DEDD2: variants seen among roughly 807,000 people sequenced by gnomAD.
The protein encoded by DEDD2 is death effector domain containing 2.
Under a neutral mutation model 28.9 loss-of-function variants are expected in DEDD2, and 18 were observed. The observed-to-expected ratio is 0.62, with a 90% CI of 0.43 to 0.92. The LOEUF (loss-of-function observed/expected upper bound fraction) is 0.92, where lower values mean the gene tolerates loss of function less well. Among genes scored for constraint, DEDD2 ranks in the 40% least tolerant of loss-of-function variants. DEDD2 has a pLI of 0.00. For missense variants in DEDD2, 411 were observed against 463.3 expected (o/e 0.89, Z 1.04); for synonymous variants, 211 against 206.1 (o/e 1.02, Z -0.20).
intron 4 of DEDD2, among the ~76,000 whole-genome samples, chr19:42,208,813 A>C (rs969441951): frequency 9.9e-5 from 15 of 152,274 alleles, no homozygotes; most frequent in African/African-American, 3.6e-4. Context: ...CTGCACAGCA[A>C]CAGTGAGAAC....
rs141521340 is a variant in DEDD2 at position 42,216,589 on chromosome 19, T to C, written c.328+91A>G. The C allele has an allele frequency of 4.3e-4, 548 of 1,280,580 alleles. 5 individuals are homozygous for C. In the African/African-American group the frequency reaches 7.3e-3, roughly 17 times the overall value. 79.3% of individuals were successfully genotyped at this position (1,280,580 alleles called of 1,614,324 possible). Reference sequence around the variant, plus strand: ...AGAATGGGACATAAGCTGCCTGATATGGCACTGTCCGTATCAGGGCACCAG... The same window carrying C: ...AGAATGGGACATAAGCTGCCTGATACGGCACTGTCCGTATCAGGGCACCAG... On this transcript the variant is annotated intron_variant, in intron 2 of 4. Coordinates refer to ENST00000596251, the MANE Select transcript of DEDD2 (RefSeq NM_133328.4).
chr19:42,199,890 C>T lies in DEDD2; in HGVS notation c.590-61G>A, dbSNP rs372876747. Reference sequence around the variant, plus strand: ...CAACACTAGACACACTTATGGGGAACGCCACCCTTCCTCCCTCCAGCCTTC... The same window carrying T: ...CAACACTAGACACACTTATGGGGAATGCCACCCTTCCTCCCTCCAGCCTTC... On this transcript the variant is annotated intron_variant, in intron 4 of 4. Transcript: ENST00000596251. This position sits in a 1 kb window ranked among gnomAD's most constrained non-coding sequence, Gnocchi z 7.4. The T allele has an allele frequency of 1.2e-4, 184 of 1,497,890 alleles. No individual in the cohort carries two copies. The highest frequency in any genetic ancestry group is 1.5e-4 in the Non-Finnish European group (165 of 1,118,232). The allele number at this position is 1,497,890 out of a possible 1,614,324, so 92.8% of individuals were successfully genotyped here.
intron 1 of DEDD2, 159 bp downstream of exon 1, chr19:42,217,473 A>C: frequency 5.0e-6 from 1 of 198,992 alleles, no homozygotes. Context: ...TCTGCCCCCT[A>C]CACAGAGGAG....
At chr19:42,209,991 G>T in intron 3 of DEDD2, 151 bp from the exon 4 acceptor site, 1 of 1,123,940 alleles carries the variant, frequency 8.9e-7, no homozygotes. Flanking sequence ...TCTAAAAGAT[G>T]AAGAGTACCA....
At chr19:42,207,899 T>C (rs1030161188) in intron 4 of DEDD2, among the ~76,000 whole-genome samples, 10 of 151,802 alleles carry the variant, frequency 6.6e-5, no homozygotes, top group African/African-American at 2.2e-4. Context: ...GGGGACGTTG[T>C]ACGCATGAGT....
intron 3 of DEDD2, 38 bp from the exon 4 acceptor site, chr19:42,209,878 T>A (rs2146884646): frequency 2.7e-6 from 4 of 1,498,744 alleles, no homozygotes; most frequent in Non-Finnish European, 2.7e-6. Flanking sequence ...AGGACCAGGA[T>A]GACAGCTAGA....
chr19:42,206,198 G>A (rs532635189), intron 4 of DEDD2, among the ~76,000 whole-genome samples: 2 of 148,716 alleles, frequency 1.3e-5, no homozygotes, highest in South Asian at 4.2e-4. Flanking sequence ...GGCCCTGCAG[G>A]ATCTGCCCTG....
In DEDD2 at chr19:42,199,638, C is replaced by A; in HGVS notation, c.781G>T (p.Ala261Ser). Residue 261 changes from alanine to serine, a missense_variant, in exon 5 of 5, where the codon GCC becomes TCC. By Grantham distance (99) the Ala-to-Ser change is moderately conservative. Transcript: ENST00000596251. The surrounding 1 kb of genome is among the most constrained non-coding windows in gnomAD (Gnocchi z 7.4). ...IKFSELSYLDAFWGDYLSGAL... is the reference protein window; with the variant it reads ...IKFSELSYLDSFWGDYLSGAL... The stretch of plus-strand genomic sequence containing the variant: ...CCACTCAGGTAGTCGCCCCAGAAGG[C>A]GTCCAGATAGGAGAGCTCTGAGAAC... 1 of 1,614,156 alleles carries A rather than the reference C, an allele frequency of 6.2e-7. No homozygotes were observed. Among genetic ancestry groups the A allele is most frequent in the Non-Finnish European group, 8.5e-7 (1 of 1,179,992 alleles).
intron 4 of DEDD2, among the ~76,000 whole-genome samples, chr19:42,200,439 A>G (rs1024332595): frequency 6.6e-6 from 1 of 152,248 alleles, no homozygotes; most frequent in Admixed American, 6.5e-5. Context: ...AACCAGCCTC[A>G]CACCCTGCCC....
In DEDD2 at chr19:42,204,298, T is replaced by C. The variant is rs957681885; in HGVS notation, c.590-4469A>G. On this transcript the variant is annotated intron_variant, in intron 4 of 4. Transcript: ENST00000596251. ...GGATGTATGTTCTCTCCAAATCTCA[T>C]GTGGAAATGTGACTCCAACATTGTA... Among the ~76,000 whole-genome samples, 3 of 152,220 alleles carry C rather than the reference T, an allele frequency of 2.0e-5. No individual in the cohort carries two copies. In the East Asian group the frequency reaches 5.8e-4, roughly 29 times the overall value.
chr19:42,202,639 C>CAA (rs2035378214), intron 4 of DEDD2, among the ~76,000 whole-genome samples: 2 of 152,210 alleles, frequency 1.3e-5, no homozygotes, highest in South Asian at 4.1e-4. Context: ...AACCTTGCCA[C>CAA]AAGTGGGACG....
intron 1 of DEDD2, among the ~76,000 whole-genome samples, chr19:42,217,303 C>T (rs909812349): frequency 6.6e-6 from 1 of 152,134 alleles, no homozygotes; most frequent in South Asian, 2.1e-4. Flanking sequence ...CCTGACCAAA[C>T]GATGCGGCCC....
upstream of DEDD2, among the ~76,000 whole-genome samples, chr19:42,218,023 G>C (rs960163403): frequency 2.6e-5 from 4 of 151,996 alleles, no homozygotes; most frequent in African/African-American, 9.7e-5. Context: ...GCCCCCTCCT[G>C]ATCACGAGCT....
At chr19:42,218,335 G>A (rs1023569893), upstream of DEDD2, among the ~76,000 whole-genome samples, 1 of 148,132 alleles carries the variant, frequency 6.8e-6, no homozygotes, top group Non-Finnish European at 1.5e-5. Flanking sequence ...AGCGGCAACA[G>A]AACCCTCCAT....
chr19:42,205,777 G>A (rs74259565), intron 4 of DEDD2, among the ~76,000 whole-genome samples: 17,386 of 152,066 alleles, frequency 0.11, 1,118 homozygotes, highest in South Asian at 0.18. Context: ...CTACTTTGGT[G>A]TATTTTCCAT....
Position 42,199,382 on chromosome 19 carries a change from C to G in DEDD2, c.*56G>C. On this transcript the variant is annotated 3_prime_UTR_variant, in exon 5 of 5. Coordinates refer to ENST00000596251, the MANE Select transcript of DEDD2 (RefSeq NM_133328.4). The surrounding 1 kb of genome is among the most constrained non-coding windows in gnomAD (Gnocchi z 7.4). ...CTCTAGGGGTAGAGATGGTCGTCCT[C>G]CCAGGAGAAGGTGGCCCGGAGACTT... The G allele has an allele frequency of 6.7e-7, 1 of 1,492,470 alleles. No homozygotes were observed. Among genetic ancestry groups the G allele is most frequent in the Non-Finnish European group, 8.9e-7 (1 of 1,127,896 alleles). The allele number at this position is 1,492,470 out of a possible 1,614,324, so 92.5% of individuals were successfully genotyped here.
At position 42,216,786 on chromosome 19, in the gene DEDD2, G is replaced by A. The variant is rs1423052321; in HGVS notation, c.222C>T (p.Arg74=). 7 of 1,588,774 alleles carry A rather than the reference G, an allele frequency of 4.4e-6. No individual in the cohort carries two copies. The highest frequency in any genetic ancestry group is 6.0e-6 in the Non-Finnish European group (7 of 1,167,992). The change falls in exon 2 of 5, where the codon CGC becomes CGT. Residue 74 remains arginine, a synonymous_variant. Transcript: ENST00000596251. ...SGLELLLELE[R]RGQCDESNLR... ...GGTTGCTCTCGTCGCACTGCCCGCG[G>A]CGCTCCAGCTCCAGCAGGAGCTCTA...
At position 42,214,259 on chromosome 19, in the gene DEDD2, C is replaced by T. The variant is rs1416499553; in HGVS notation, c.448+874G>A. Among the ~76,000 whole-genome samples, 3 of 152,166 alleles carry T rather than the reference C, an allele frequency of 2.0e-5. No individual in the cohort carries two copies. In the East Asian group the frequency reaches 5.8e-4, roughly 29 times the overall value. On this transcript the variant is annotated intron_variant, in intron 3 of 4. Transcript: ENST00000596251. ...TCTCTTGAGGCCAGGAGTTCGAGAC[C>T]AGCTTGGGCAACATGGTGAAACCTC...
upstream of DEDD2, among the ~76,000 whole-genome samples, chr19:42,218,039 C>T (rs1401020060): frequency 6.6e-6 from 1 of 152,152 alleles, no homozygotes; most frequent in Non-Finnish European, 1.5e-5. Context: ...GAGCTAGACG[C>T]CCACATCACC....
Sources: allele counts gnomAD v4.1 joint callset (sites outside exome capture counted in the v4.1 genomes callset), GRCh38; gene constraint gnomAD v4.1.1; non-coding constraint Gnocchi (gnomAD v3.1); transcripts MANE v1.5; gene names NCBI Gene and HGNC (gene_info 2026-07-23, HGNC 2026-07-21).